Variants in TRPM5 observed in about 807,000 individuals in gnomAD.
TRPM5 encodes the protein transient receptor potential cation channel subfamily M member 5.
A neutral mutation model predicts 124.9 loss-of-function variants in TRPM5; 121 were observed. The ratio of observed to expected loss-of-function variants is 0.97; its 90% CI spans 0.84 to 1.13. The LOEUF is 1.13. Ranked by LOEUF, TRPM5 falls within the 50% of genes most tolerant of loss-of-function variation. TRPM5 has a pLI of 0.00. For missense variants in TRPM5, 1,643 were observed against 1,589.1 expected, an observed-to-expected ratio of 1.03 and a Z score of -0.58; for synonymous variants, 781 against 700.5, an observed-to-expected ratio of 1.11 and a Z score of -1.81.
At chr11:2,426,653 G>C (rs187047340), upstream of TRPM5, among the ~76,000 whole-genome samples, 8 of 152,258 alleles carry the variant, frequency 5.3e-5, no homozygotes, top group Admixed American at 6.5e-5. Flanking sequence ...GGCAGAGCTG[G>C]ATGACCAGGC....
At chr11:2,416,197 G>A (rs1336565252) in intron 7 of TRPM5, among the ~76,000 whole-genome samples, 173 bp from the exon 13 acceptor site, 2 of 152,240 alleles carry the variant, frequency 1.3e-5, no homozygotes, top group Non-Finnish European at 2.9e-5. Flanking sequence ...ACGAGACTTT[G>A]TACAAACCGC....
In TRPM5 at chr11:2,422,891, A is replaced by T. The variant is rs549893078; in HGVS notation, c.117+29T>A. 7.5e-5 allele frequency: 119 copies of T among 1,587,214 alleles called. No individual in the cohort carries two copies. In the Middle Eastern group the frequency reaches 9.9e-4, roughly 13 times the overall value. On this transcript the variant is annotated intron_variant, in intron 1 of 23. Coordinates refer to ENST00000155858, the Ensembl canonical transcript of TRPM5. ...TCATGGGTTCCAGGTCAAGGCGGACATCACCTGAGGCCTGGGGCCTGCCCT... is the reference window on the plus strand; with the variant it reads ...TCATGGGTTCCAGGTCAAGGCGGACTTCACCTGAGGCCTGGGGCCTGCCCT...
chr11:2,414,714 C>G lies in TRPM5; in HGVS notation c.1744+1G>C. 5.2e-6 allele frequency: 8 copies of G among 1,536,020 alleles called. No individual in the cohort carries two copies. The highest frequency in any genetic ancestry group is 7.0e-6 in the Non-Finnish European group (8 of 1,141,034). Reference sequence around the variant, plus strand: ...CCCGGCCCCAGCCGCCGGTCACTCACCAAGGGCCAGCCGCTCGTATTTCGC... The same window carrying G: ...CCCGGCCCCAGCCGCCGGTCACTCAGCAAGGGCCAGCCGCTCGTATTTCGC... On this transcript the variant is annotated splice_donor_variant, in intron 11 of 23. Coordinates refer to ENST00000155858, the Ensembl canonical transcript of TRPM5. LOFTEE classifies it high-confidence loss of function.
exon 12 of TRPM5, chr11:2,414,139 G>C: frequency 6.2e-7 from 1 of 1,607,308 alleles, no homozygotes; most frequent in Non-Finnish European, 8.5e-7. Context: ...TGCTCCAGCA[G>C]CGGTTCCGGC....
chr11:2,434,177 GT>G, the TRPM5 span, among the ~76,000 whole-genome samples: 3 of 151,834 alleles, frequency 2.0e-5, no homozygotes, highest in Non-Finnish European at 4.4e-5. Context: ...ATGTGTCTGT[GT>G]GGACGGTGTA....
At chr11:2,421,498 G>A (rs764313990) in intron 2 of TRPM5, among the ~76,000 whole-genome samples, 1 of 152,220 alleles carries the variant, frequency 6.6e-6, no homozygotes, top group Non-Finnish European at 1.5e-5. Flanking sequence ...GGACACATCC[G>A]ACACAACTCT....
chr11:2,430,991 G>A, the TRPM5 span, among the ~76,000 whole-genome samples: 1 of 152,090 alleles, frequency 6.6e-6, no homozygotes, highest in African/African-American at 2.4e-5. Flanking sequence ...TGCTGGTCGT[G>A]GTAATAGTGG....
intron 4 of TRPM5, 66 bp downstream of exon 9, chr11:2,420,156 C>T (rs1193306429): frequency 1.3e-6 from 2 of 1,524,974 alleles, no homozygotes; most frequent in East Asian, 4.5e-5. Context: ...CCCACTCTCC[C>T]ACAGGCGGGT....
intron 1 of TRPM5, 85 bp from the exon 7 acceptor site, chr11:2,422,406 G>A: frequency 1.1e-6 from 1 of 939,558 alleles, no homozygotes; most frequent in Non-Finnish European, 1.5e-6. Flanking sequence ...ACACAAGGGG[G>A]CACTGGGGAG....
chr11:2,414,940 G>C, exon 10 of TRPM5: 1 of 1,606,252 alleles, frequency 6.2e-7, no homozygotes, highest in Non-Finnish European at 8.5e-7. Flanking sequence ...TCTCGTGGCG[G>C]TTCTGCAGCA....
the TRPM5 span, among the ~76,000 whole-genome samples, chr11:2,442,366 C>A: frequency 4.9e-5 from 7 of 142,168 alleles, no homozygotes; most frequent in South Asian, 1.6e-3. The surrounding 1 kb of genome is among the most constrained non-coding windows in gnomAD (Gnocchi z 5.9). Flanking sequence ...AATTTAGCAT[C>A]ATTCTTTGAT....
At chr11:2,412,625 G>T in intron 15 of TRPM5, 129 bp downstream of exon 20, 1 of 1,038,890 alleles carries the variant, frequency 9.6e-7, no homozygotes, top group Non-Finnish European at 1.4e-6. Context: ...TGACTGGGAA[G>T]ATGGGAGGCC....
intron 4 of TRPM5, 60 bp downstream of exon 9, chr11:2,420,162 C>G (rs372902285): frequency 6.6e-7 from 1 of 1,526,210 alleles, no homozygotes; most frequent in Admixed American, 1.8e-5. Flanking sequence ...CTCCCACAGG[C>G]GGGTCCCTGG....
At chr11:2,413,186 C>T in exon 14 of TRPM5, 1 of 1,551,834 alleles carries the variant, frequency 6.4e-7, no homozygotes, top group Non-Finnish European at 8.7e-7. Flanking sequence ...CTGTCCAGGT[C>T]CTGCAGGTCC....
chr11:2,414,327 A>G lies in TRPM5; in HGVS notation c.1745-121T>C, dbSNP rs1353689319. 2.9e-6 allele frequency: 4 copies of G among 1,394,054 alleles called. No individual in the cohort carries two copies. In the African/African-American group the frequency reaches 4.3e-5, roughly 15 times the overall value. The allele number at this position is 1,394,054 out of a possible 1,614,324, so 86.4% of individuals were successfully genotyped here. A position where few individuals can be genotyped will look rare whatever the true frequency, so the allele number is the denominator to read the frequency against. ...CAGCCGCACCCTGCGTTCAACACGC[A>G]GGGCCCAGCCAGGCCTTCTGCCCCC... is the stretch of plus-strand genomic sequence containing the variant. On this transcript the variant is annotated intron_variant, in intron 11 of 23. Transcript: ENST00000155858.
At chr11:2,406,393 A>C (rs918117524) in intron 21 of TRPM5, among the ~76,000 whole-genome samples, 1 of 152,042 alleles carries the variant, frequency 6.6e-6, no homozygotes. Context: ...GCTGGAGGGA[A>C]GCCAGGGGTG....
chr11:2,435,079 C>T, the TRPM5 span, among the ~76,000 whole-genome samples: 1 of 152,132 alleles, frequency 6.6e-6, no homozygotes, highest in African/African-American at 2.4e-5. The surrounding 1 kb of genome is among the most constrained non-coding windows in gnomAD (Gnocchi z 4.1). Context: ...GGATTACAGG[C>T]ATGAGCCACC....
intron 16 of TRPM5, 31 bp downstream of exon 21, chr11:2,412,104 T>G (rs1457415848): frequency 1.3e-6 from 2 of 1,572,898 alleles, no homozygotes; most frequent in African/African-American, 1.3e-5. Context: ...CAAGCCGCCC[T>G]GAGGCCACAC....
At chr11:2,425,175 G>C (rs1304219800), upstream of TRPM5, among the ~76,000 whole-genome samples, 1 of 152,088 alleles carries the variant, frequency 6.6e-6, no homozygotes, top group Non-Finnish European at 1.5e-5. Flanking sequence ...TGTGTCCCGG[G>C]GCTGCCAAAA....
Sources: gnomAD v4.1 joint callset for allele counts (sites outside exome capture counted in the v4.1 genomes callset) on GRCh38, gnomAD v4.1.1 for gene constraint, Gnocchi (gnomAD v3.1) non-coding constraint, MANE v1.5 for transcripts, NCBI Gene and HGNC (gene_info 2026-07-23, HGNC 2026-07-21) for gene names.